The following KIRREL1 variants were observed in gnomAD, a reference collection of about 807,000 sequenced individuals.
KIRREL1 encodes the protein kin of IRRE-like protein 1.
In KIRREL1, 25 loss-of-function variants were observed where a neutral mutation model predicts 83.3. That is an observed-to-expected ratio of 0.30 (90% CI 0.22 to 0.42). KIRREL1 has a LOEUF of 0.42. Ranked by LOEUF, KIRREL1 falls within the 10% of genes least tolerant of loss-of-function variation. The pLI, the probability that KIRREL1 is intolerant of heterozygous loss-of-function variation, is 1.00. For synonymous variants in KIRREL1, 388 were observed against 410.4 expected (o/e 0.95, Z 0.66); for missense variants, 812 against 1,032.3 (o/e 0.79, Z 2.92).
rs773933021 is a variant in KIRREL1 at position 158,091,351 on chromosome 1, A to C, written c.1273-7A>C. ...TTCTTACCTTCTTCCTTCCCTCTCCACCACAGGCATGGGCCTGGAAGGAGA... is the reference window on the plus strand; with the variant it reads ...TTCTTACCTTCTTCCTTCCCTCTCCCCCACAGGCATGGGCCTGGAAGGAGA... On this transcript the variant is annotated splice_region_variant and splice_polypyrimidine_tract_variant and intron_variant, in intron 10 of 14. Coordinates refer to ENST00000359209, the MANE Select transcript of KIRREL1 (RefSeq NM_018240.7). 6 of 1,612,050 alleles carry C rather than the reference A, an allele frequency of 3.7e-6. No homozygotes were observed. The highest frequency in any genetic ancestry group is 5.1e-6 in the Non-Finnish European group (6 of 1,178,844).
chr1:158,040,795 G>C (rs1443778985), intron 1 of KIRREL1, among the ~76,000 whole-genome samples: 1 of 152,180 alleles, frequency 6.6e-6, no homozygotes, highest in Non-Finnish European at 1.5e-5. Flanking sequence ...GGTGGTTGGT[G>C]GGGGGCTGAA....
At chr1:157,994,402 G>C (rs1387077604) in intron 1 of KIRREL1, among the ~76,000 whole-genome samples, 1 of 151,170 alleles carries the variant, frequency 6.6e-6, no homozygotes, top group African/African-American at 2.4e-5. Context: ...GGGAACTCAC[G>C]GGGGCGGGGG....
At chr1:157,998,108 G>A (rs1173306051) in intron 1 of KIRREL1, among the ~76,000 whole-genome samples, 3 of 152,128 alleles carry the variant, frequency 2.0e-5, no homozygotes, top group African/African-American at 4.8e-5. Context: ...AGGCTCAACC[G>A]CTTCTTACAT....
intron 1 of KIRREL1, among the ~76,000 whole-genome samples, chr1:158,023,369 C>A (rs1660058461): frequency 6.6e-6 from 1 of 152,214 alleles, no homozygotes; most frequent in Non-Finnish European, 1.5e-5. Flanking sequence ...GAGTGCCAGG[C>A]ACTGTTCAGT....
At chr1:158,076,307 G>T (rs149775287) in intron 2 of KIRREL1, 45 bp downstream of exon 2, 5 of 1,579,230 alleles carry the variant, frequency 3.2e-6, no homozygotes, top group African/African-American at 2.7e-5. Flanking sequence ...CATCTTCTCC[G>T]CCATTCCCCA....
chr1:158,068,960 C>T (rs1278369670), intron 1 of KIRREL1, among the ~76,000 whole-genome samples: 2 of 152,098 alleles, frequency 1.3e-5, no homozygotes, highest in Non-Finnish European at 2.9e-5. Flanking sequence ...GAGTGGAGAG[C>T]GTGGGGACTG....
At chr1:158,062,114 C>A (rs1009613055) in intron 1 of KIRREL1, among the ~76,000 whole-genome samples, 1 of 152,136 alleles carries the variant, frequency 6.6e-6, no homozygotes, top group South Asian at 2.1e-4. Context: ...TCATGTCCCC[C>A]ACCAATATCC....
chr1:157,998,835 G>A lies in KIRREL1; in HGVS notation c.52+5107G>A, dbSNP rs192242619. ...GTGGTGAAAAGTGATTGTAGGAGGT[G>A]AACTCCATACCAAAGCATCAAAATT... is the stretch of plus-strand genomic sequence containing the variant. On this transcript the variant is annotated intron_variant, in intron 1 of 14. Coordinates refer to ENST00000359209, the MANE Select transcript of KIRREL1 (RefSeq NM_018240.7). Among the ~76,000 whole-genome samples, 315 of 152,294 alleles carry A rather than the reference G, an allele frequency of 2.1e-3. 1 individual carries two copies. Among genetic ancestry groups the A allele is most frequent in the Non-Finnish European group, 3.0e-3 (202 of 68,018 alleles).
At chr1:158,004,443 C>A (rs1387379984) in intron 1 of KIRREL1, among the ~76,000 whole-genome samples, 1 of 152,062 alleles carries the variant, frequency 6.6e-6, no homozygotes, top group Non-Finnish European at 1.5e-5. Context: ...GCAGTGGGAG[C>A]TTTAGGAGGC....
At chr1:158,049,651 G>C (rs1660862425) in intron 1 of KIRREL1, among the ~76,000 whole-genome samples, 1 of 152,200 alleles carries the variant, frequency 6.6e-6, no homozygotes, top group Non-Finnish European at 1.5e-5. Context: ...AGAGAAGCAG[G>C]CTGGTGACAG....
chr1:158,053,020 G>A (rs1312776506), intron 1 of KIRREL1, among the ~76,000 whole-genome samples: 1 of 152,138 alleles, frequency 6.6e-6, no homozygotes, highest in African/African-American at 2.4e-5. Context: ...CCTGGGGAGG[G>A]CACCAAATCA....
intron 1 of KIRREL1, among the ~76,000 whole-genome samples, chr1:158,050,813 T>A (rs562996817): frequency 6.6e-6 from 1 of 152,292 alleles, no homozygotes; most frequent in Non-Finnish European, 1.5e-5. Context: ...GAGAATTGGA[T>A]TAAATTATCT....
chr1:158,067,998 C>T (rs994269101), intron 1 of KIRREL1, among the ~76,000 whole-genome samples: 4 of 152,168 alleles, frequency 2.6e-5, no homozygotes, highest in Non-Finnish European at 5.9e-5. Flanking sequence ...TAGAGACGGA[C>T]AGAAGGGAGG....
At chr1:158,044,381 G>T (rs1660718900) in intron 1 of KIRREL1, among the ~76,000 whole-genome samples, 1 of 152,232 alleles carries the variant, frequency 6.6e-6, no homozygotes, top group African/African-American at 2.4e-5. Context: ...TCACTTTAAT[G>T]AGAAGCGGAC....
chr1:158,007,987 G>T (rs1449924417), intron 1 of KIRREL1, among the ~76,000 whole-genome samples: 1 of 152,088 alleles, frequency 6.6e-6, no homozygotes, highest in African/African-American at 2.4e-5. Context: ...CTAATTGCTT[G>T]GCTCACCTCA....
Position 158,091,487 on chromosome 1 carries a change from A to G in KIRREL1, c.1402A>G (p.Thr468Ala). ...CAATGTCATGGAGGCCGACTTTCAG[A>G]CTCACTACAACTGCACCGCCTGGAA... The part of the protein sequence containing the change: ...INNVMEADFQ[T>A]HYNCTAWNSF... Residue 468 changes from threonine (T) to alanine (A), a missense_variant, in exon 11 of 15, where the codon ACT (threonine) becomes GCT (alanine). By Grantham distance (58) the Thr-to-Ala change is moderately conservative. This residue lies in a region of KIRREL1 where 472 missense variants were observed against 626.8 expected (regional missense o/e 0.75). Transcript: ENST00000359209. 3 of 1,614,160 alleles carry G rather than the reference A, an allele frequency of 1.9e-6. No homozygotes were observed. Among genetic ancestry groups the G allele is most frequent in the Non-Finnish European group, 2.5e-6 (3 of 1,180,040 alleles).
chr1:158,061,650 G>A (rs1661218597), intron 1 of KIRREL1, among the ~76,000 whole-genome samples: 1 of 152,164 alleles, frequency 6.6e-6, no homozygotes. Context: ...CTGAGGCTGA[G>A]ATGTACTGAC....
At chr1:158,092,922 A>T (rs757496579) in intron 11 of KIRREL1, among the ~76,000 whole-genome samples, 16 of 152,118 alleles carry the variant, frequency 1.1e-4, no homozygotes, top group Admixed American at 3.9e-4. Context: ...GGTATTATGG[A>T]TGGCACAGTG....
At chr1:158,013,581 T>C (rs1216931796) in intron 1 of KIRREL1, among the ~76,000 whole-genome samples, 1 of 152,180 alleles carries the variant, frequency 6.6e-6, no homozygotes, top group Non-Finnish European at 1.5e-5. Flanking sequence ...GTTTGAAAAT[T>C]ACAGATTTAT....
Sources: gnomAD v4.1 joint callset for allele counts (sites outside exome capture counted in the v4.1 genomes callset) on GRCh38, gnomAD v4.1.1 for gene constraint, gnomAD v4.1.1 regional missense constraint, MANE v1.5 for transcripts, NCBI Gene and HGNC (gene_info 2026-07-23, HGNC 2026-07-21) for gene names.